The following SORCS1 variants were observed in gnomAD, a reference collection of about 807,000 sequenced individuals.
SORCS1 encodes the protein VPS10 domain-containing receptor SorCS1.
SORCS1 carries 60 observed loss-of-function variants against 146.1 expected under a neutral mutation model. The ratio of observed to expected loss-of-function variants is 0.41; its 90% confidence interval spans 0.33 to 0.51. The LOEUF (loss-of-function observed/expected upper bound fraction) is 0.51. Ranked by LOEUF, SORCS1 falls within the 20% of genes least tolerant of loss-of-function variation. The pLI, the probability that SORCS1 is intolerant of heterozygous loss-of-function variation, is 0.21. For missense variants in SORCS1, 1,352 were observed against 1,487.6 expected, an observed-to-expected ratio of 0.91 and a Z score of 1.50; for synonymous variants, 637 against 584.0, an observed-to-expected ratio of 1.09 and a Z score of -1.31.
At chr10:106,858,379 G>A (rs1175481092) in intron 2 of SORCS1, among the ~76,000 whole-genome samples, 2 of 151,426 alleles carry the variant, frequency 1.3e-5, no homozygotes, top group Non-Finnish European at 2.9e-5. Context: ...CAGCACTTGG[G>A]GAAGCCGAGG....
intron 1 of SORCS1, among the ~76,000 whole-genome samples, chr10:107,102,219 T>C (rs189520341): frequency 7.9e-5 from 12 of 152,328 alleles, no homozygotes; most frequent in Non-Finnish European, 1.2e-4. Flanking sequence ...GAGCCTTCAT[T>C]ATTTAATCTT....
intron 23 of SORCS1, among the ~76,000 whole-genome samples, chr10:106,604,162 C>A (rs187534183): frequency 1.3e-5 from 2 of 152,232 alleles, no homozygotes; most frequent in East Asian, 3.9e-4. Context: ...GGAAAACAGA[C>A]GGAGAGAGAG....
rs1359058568 is a variant in SORCS1 at position 106,997,582 on chromosome 10, T to C, written c.559-41002A>G. Among the ~76,000 whole-genome samples, 3 of 152,170 alleles carry C rather than the reference T, an allele frequency of 2.0e-5. No homozygotes were observed. The East Asian group carries it at 5.8e-4, about 29-fold the overall frequency. On this transcript the variant is annotated intron_variant, in intron 1 of 25. Transcript: ENST00000263054. Reference sequence around the variant, plus strand: ...TTGCAAGTCATCTGAAGGAAAACTATAAACAAGACCAGACAGAGTTTCCTT... The same window carrying C: ...TTGCAAGTCATCTGAAGGAAAACTACAAACAAGACCAGACAGAGTTTCCTT...
At chr10:106,892,830 A>G (rs1951286937) in intron 2 of SORCS1, among the ~76,000 whole-genome samples, 1 of 151,258 alleles carries the variant, frequency 6.6e-6, no homozygotes, top group Admixed American at 6.6e-5. Flanking sequence ...TTTTAACTGT[A>G]TTTTTTATAG....
chr10:106,993,421 C>T (rs1358921395), intron 1 of SORCS1, among the ~76,000 whole-genome samples: 1 of 152,134 alleles, frequency 6.6e-6, no homozygotes, highest in Non-Finnish European at 1.5e-5. Context: ...TCCCATTTTA[C>T]AGGTGAGAAA....
In SORCS1 at chr10:106,592,777, CT is replaced by C. The variant is rs568910860; in HGVS notation, c.3265+4573del. ...TCTAATACTCCTCCCCACTGTTTCT[CT>C]TTTTTTTTTTTTTCAGGCTTCCTTC... On this transcript the variant is annotated intron_variant, in intron 24 of 25. Coordinates refer to ENST00000263054, the MANE Select transcript of SORCS1 (RefSeq NM_052918.5). Among the ~76,000 whole-genome samples the C allele has an allele frequency of 5.4e-3, 760 of 141,282 alleles. 1 individual carries two copies. Among genetic ancestry groups the C allele is most frequent in the African/African-American group, 0.013 (509 of 38,874 alleles). The allele number at this position is 141,282 out of a possible 152,430, so 92.7% of individuals were successfully genotyped here. A position where few individuals can be genotyped will look rare whatever the true frequency, so the allele number is the denominator to read the frequency against.
intron 4 of SORCS1, among the ~76,000 whole-genome samples, chr10:106,775,086 G>C (rs1230781233): frequency 6.6e-6 from 1 of 152,178 alleles, no homozygotes; most frequent in Non-Finnish European, 1.5e-5. Flanking sequence ...GGAACGAAAG[G>C]GTTACATATT....
chr10:107,009,052 G>T (rs1328003127), intron 1 of SORCS1, among the ~76,000 whole-genome samples: 2 of 152,168 alleles, frequency 1.3e-5, no homozygotes, highest in African/African-American at 4.8e-5. Flanking sequence ...GTTTGCTTTG[G>T]TAAGTTCTGG....
At chr10:106,985,842 A>T (rs997238101) in intron 1 of SORCS1, among the ~76,000 whole-genome samples, 1 of 152,050 alleles carries the variant, frequency 6.6e-6, no homozygotes, top group Non-Finnish European at 1.5e-5. Flanking sequence ...GACTCATTTA[A>T]GCTTTCACAA....
At chr10:106,769,131 T>A (rs1859795331) in intron 4 of SORCS1, among the ~76,000 whole-genome samples, 2 of 152,206 alleles carry the variant, frequency 1.3e-5, no homozygotes, top group African/African-American at 2.4e-5. Context: ...CCAGGGAATG[T>A]CTGCCATTGA....
chr10:106,935,335 C>A (rs1384960032), intron 2 of SORCS1, among the ~76,000 whole-genome samples: 2 of 151,914 alleles, frequency 1.3e-5, no homozygotes, highest in Non-Finnish European at 2.9e-5. Context: ...AATAAATGTC[C>A]AAAGAGATAT....
intron 5 of SORCS1, among the ~76,000 whole-genome samples, chr10:106,735,959 T>C (rs907727446): frequency 2.6e-5 from 4 of 152,226 alleles, no homozygotes; most frequent in African/African-American, 9.6e-5. Flanking sequence ...CCTACATCTA[T>C]ACTTCCAGTA....
chr10:106,862,605 TC>T (rs1464006681), intron 2 of SORCS1, among the ~76,000 whole-genome samples: 1 of 152,024 alleles, frequency 6.6e-6, no homozygotes, highest in African/African-American at 2.4e-5. Context: ...ATTAACTGTT[TC>T]ACACTTTCAT....
At chr10:106,705,747 C>G (rs1416209968) in intron 8 of SORCS1, among the ~76,000 whole-genome samples, 3 of 152,162 alleles carry the variant, frequency 2.0e-5, no homozygotes, top group Non-Finnish European at 2.9e-5. Context: ...GCTCCCGAGT[C>G]AGTTTGACCT....
intron 1 of SORCS1, among the ~76,000 whole-genome samples, chr10:107,071,631 C>T (rs1962435686): frequency 6.6e-6 from 1 of 152,228 alleles, no homozygotes; most frequent in South Asian, 2.1e-4. Flanking sequence ...GATTAATCTA[C>T]TTCCTTGGAT....
chr10:107,027,289 T>C (rs1021267174), intron 1 of SORCS1, among the ~76,000 whole-genome samples: 3 of 151,714 alleles, frequency 2.0e-5, no homozygotes, highest in Non-Finnish European at 4.4e-5. Context: ...TGGATAATGA[T>C]GTTGTTAGGG....
At chr10:106,644,594 T>A (rs542615594) in intron 18 of SORCS1, among the ~76,000 whole-genome samples, 1 of 152,294 alleles carries the variant, frequency 6.6e-6, no homozygotes, top group South Asian at 2.1e-4. Flanking sequence ...CTCAAACTCC[T>A]GACCTTGTGT....
intron 1 of SORCS1, among the ~76,000 whole-genome samples, chr10:107,123,733 G>A (rs909041604): frequency 6.6e-6 from 1 of 152,102 alleles, no homozygotes; most frequent in African/African-American, 2.4e-5. Flanking sequence ...TTACTAGCTA[G>A]GGGACTTGAA....
chr10:106,852,406 C>T (rs1319415015), intron 2 of SORCS1, among the ~76,000 whole-genome samples: 1 of 151,906 alleles, frequency 6.6e-6, no homozygotes, highest in South Asian at 2.1e-4. Flanking sequence ...GAGGCAGTCG[C>T]ATCACAAGGT....
Sources: allele counts gnomAD v4.1 joint callset (sites outside exome capture counted in the v4.1 genomes callset), GRCh38; gene constraint gnomAD v4.1.1; transcripts MANE v1.5; gene names NCBI Gene and HGNC (gene_info 2026-07-23, HGNC 2026-07-21).